SKOR2: variants seen among roughly 807,000 people sequenced by gnomAD.
The protein encoded by SKOR2 is LBX1 corepressor 1-like protein.
In SKOR2, 47 loss-of-function variants were observed where a neutral mutation model predicts 69.1. The ratio of observed to expected loss-of-function variants is 0.68; its 90% CI spans 0.54 to 0.87. The LOEUF (loss-of-function observed/expected upper bound fraction) is 0.87, where lower values mean the gene tolerates loss of function less well. Among genes scored for constraint, SKOR2 ranks in the 40% least tolerant of loss-of-function variants. The probability of loss-of-function intolerance (pLI) is 0.00; values close to 1 mark genes in which losing one functional copy is unlikely to be tolerated. For missense variants in SKOR2, 1,404 were observed against 1,472.2 expected (o/e 0.95, Z 0.76); for synonymous variants, 717 against 672.6 (o/e 1.07, Z -1.02).
chr18:47,248,600 T>A lies in SKOR2; in HGVS notation c.584A>T (p.Asp195Val), dbSNP rs539853928. The change falls in exon 2 of 9, where the codon GAC (aspartate) becomes GTC (valine). Residue 195 changes from aspartate (D) to valine (V), a missense_variant. Coordinates refer to ENST00000425639, the MANE Select transcript of SKOR2 (RefSeq NM_001278063.4). The surrounding 1 kb of genome is among the most constrained non-coding windows in gnomAD (Gnocchi z 6.4). ...KFIFHSHRTP[D>V]AKYTQPDAAN... ...TGCGTCTGGCTGAGTGTACTTGGCG[T>A]CGGGCGTGCGGTGGGAGTGGAAAAT... 9 of 1,542,166 alleles carry A rather than the reference T, an allele frequency of 5.8e-6. No homozygotes were observed. The Admixed American group carries it at 1.7e-4, about 30-fold the overall frequency.
intron 6 of SKOR2, among the ~76,000 whole-genome samples, chr18:47,224,311 T>C (rs941592219): frequency 1.3e-5 from 2 of 152,188 alleles, no homozygotes; most frequent in African/African-American, 4.8e-5. Context: ...AACCCAACTA[T>C]TTTTGGAAAA....
At chr18:47,242,915 T>C (rs1282746349) in intron 4 of SKOR2, among the ~76,000 whole-genome samples, 2 of 152,216 alleles carry the variant, frequency 1.3e-5, no homozygotes, top group Non-Finnish European at 2.9e-5. Flanking sequence ...ACATCCTGCC[T>C]CTGAATGGGT....
chr18:47,235,036 C>T (rs979043004), intron 4 of SKOR2, among the ~76,000 whole-genome samples: 3 of 151,998 alleles, frequency 2.0e-5, no homozygotes, highest in African/African-American at 7.2e-5. Flanking sequence ...GTAACTAGGG[C>T]ATAAAACGTC....
At position 47,246,706 on chromosome 18, in the gene SKOR2, G is replaced by T; in HGVS notation, c.2478C>A (p.Leu826=). ...GGGGCAGGTCCGAGCCGGGGTCCCC[G>T]AGTTTCCCGTCTTCCTGCAGCAGCC... is the stretch of plus-strand genomic sequence containing the variant. The part of the protein sequence containing the change: ...SSRLLQEDGK[L]GDPGSDLPPP... The change falls in exon 2 of 9, where the codon CTC becomes CTA. Residue 826 remains leucine, a synonymous_variant. Transcript: ENST00000425639. The T allele has an allele frequency of 1.4e-6, 2 of 1,455,332 alleles. No individual in the cohort carries two copies. The highest frequency in any genetic ancestry group is 2.7e-5 in the South Asian group (2 of 72,936). 90.2% of individuals were successfully genotyped at this position (1,455,332 alleles called of 1,614,324 possible).
intron 4 of SKOR2, among the ~76,000 whole-genome samples, chr18:47,235,125 G>A (rs1176098546): frequency 6.6e-6 from 1 of 152,080 alleles, no homozygotes; most frequent in East Asian, 1.9e-4. Context: ...AGAACTCTGG[G>A]AGGCCGAGGG....
chr18:47,226,051 G>A (rs974919755), intron 6 of SKOR2, among the ~76,000 whole-genome samples: 1 of 152,186 alleles, frequency 6.6e-6, no homozygotes, highest in African/African-American at 2.4e-5. Flanking sequence ...TGAGGATGCA[G>A]GCCACCCTGC....
intron 4 of SKOR2, among the ~76,000 whole-genome samples, chr18:47,238,399 T>C (rs1020038171): frequency 8.0e-5 from 12 of 150,280 alleles, no homozygotes; most frequent in Non-Finnish European, 1.6e-4. Flanking sequence ...TTCAGCTCAC[T>C]GTTATCTTCG....
At chr18:47,219,801 T>C in intron 7 of SKOR2, 142 bp downstream of exon 7, 2 of 664,018 alleles carry the variant, frequency 3.0e-6, no homozygotes, top group Non-Finnish European at 5.2e-6. Context: ...AGTAAATCTC[T>C]TGGTAATTAG....
At chr18:47,250,462 C>T (rs2064307538) in intron 1 of SKOR2, among the ~76,000 whole-genome samples, 1 of 152,228 alleles carries the variant, frequency 6.6e-6, no homozygotes, top group South Asian at 2.1e-4. Context: ...CTGATCTTTC[C>T]ACAGCTACAT....
intron 4 of SKOR2, among the ~76,000 whole-genome samples, chr18:47,240,345 A>C (rs2064243454): frequency 6.6e-6 from 1 of 152,220 alleles, no homozygotes; most frequent in Non-Finnish European, 1.5e-5. Context: ...AAAGTTATTC[A>C]AAATGGAAAT....
At position 47,249,114 on chromosome 18, in the gene SKOR2, C is replaced by G; in HGVS notation, c.70G>C (p.Asp24His). The change falls in exon 2 of 9, where the codon GAC becomes CAC. Residue 24 changes from aspartate to histidine, a missense_variant. Transcript: ENST00000425639. ...LASPSSAFQP[D>H]TLSQPRPGHA... ...CCTGGCCGCGGCTGGCTCAGCGTGT[C>G]GGGCTGGAAGGCGCTCGACGGCGAC... 1 of 1,536,104 alleles carries G rather than the reference C, an allele frequency of 6.5e-7. No individual in the cohort carries two copies. Among genetic ancestry groups the G allele is most frequent in the Non-Finnish European group, 8.7e-7 (1 of 1,146,856 alleles).
At chr18:47,244,516 T>G (rs2064262652) in intron 4 of SKOR2, among the ~76,000 whole-genome samples, 1 of 152,334 alleles carries the variant, frequency 6.6e-6, no homozygotes, top group Non-Finnish European at 1.5e-5. Context: ...TGTGTAGAGA[T>G]CATTATCATG....
At position 47,249,087 on chromosome 18, in the gene SKOR2, G is replaced by A. The variant is rs2064300888; in HGVS notation, c.97C>T (p.His33Tyr). ...PDTLSQPRPG[H>Y]ANLKPNQVGQ... ...ACCTGGTTGGGTTTGAGGTTGGCGT[G>A]CCCTGGCCGCGGCTGGCTCAGCGTG... is the stretch of plus-strand genomic sequence containing the variant. Residue 33 changes from histidine (H) to tyrosine (Y), a missense_variant, in exon 2 of 9, where the codon CAC becomes TAC. Physicochemically the swap from His to Tyr is moderately conservative, Grantham distance 83 (BLOSUM62 2). Transcript: ENST00000425639. 6.5e-7 allele frequency: 1 copy of A among 1,536,284 alleles called. No homozygotes were observed. The highest frequency in any genetic ancestry group is 2.0e-5 in the Admixed American group (1 of 51,000).
rs2064297746 is a variant in SKOR2, at chr18:47,248,755, G to A, written c.429C>T (p.Phe143=). 2 of 1,551,006 alleles carry A rather than the reference G, an allele frequency of 1.3e-6. No individual in the cohort carries two copies. The highest frequency in any genetic ancestry group is 1.9e-5 in the Admixed American group (1 of 52,584). The change falls in exon 2 of 9, where the codon TTC becomes TTT. Residue 143 remains phenylalanine, a synonymous_variant. Coordinates refer to ENST00000425639, the MANE Select transcript of SKOR2 (RefSeq NM_001278063.4). This position sits in a 1 kb window ranked among gnomAD's most constrained non-coding sequence, Gnocchi z 6.4. The part of the protein sequence containing the change: ...ENRPPKLPDN[F]AFDVSHECAW... ...CGCACTCGTGTGACACGTCGAAGGCGAAATTGTCTGGCAGCTTGGGCGGCC... is the reference window on the plus strand; with the variant it reads ...CGCACTCGTGTGACACGTCGAAGGCAAAATTGTCTGGCAGCTTGGGCGGCC...
intron 1 of SKOR2, among the ~76,000 whole-genome samples, chr18:47,250,822 G>T (rs572120895): frequency 6.6e-6 from 1 of 152,310 alleles, no homozygotes; most frequent in Non-Finnish European, 1.5e-5. Context: ...GGCAGTTCAA[G>T]GCGCAGTGAC....
At chr18:47,211,875 G>A (rs2064128872) in intron 8 of SKOR2, among the ~76,000 whole-genome samples, 1 of 152,112 alleles carries the variant, frequency 6.6e-6, no homozygotes, top group South Asian at 2.1e-4. Flanking sequence ...TTTAGTTATA[G>A]GAATTTTCCA....
chr18:47,249,034 G>A lies in SKOR2; in HGVS notation c.150C>T (p.Pro50=). 1 of 1,540,300 alleles carries A rather than the reference G, an allele frequency of 6.5e-7. No individual in the cohort carries two copies. Among genetic ancestry groups the A allele is most frequent in the African/African-American group, 1.4e-5 (1 of 73,390 alleles). ...GCCCGTCGATCACCAACGACACGAT[G>A]GGAATGCCGTAGAGGATCACCTGGC... The part of the protein sequence containing the change: ...QVGQVILYGI[P]IVSLVIDGQE... Residue 50 remains proline (P), a synonymous_variant, in exon 2 of 9, where the codon CCC becomes CCT. Transcript: ENST00000425639.
At chr18:47,249,251 C>A (rs1033516030) in intron 1 of SKOR2, 21 bp from the exon 2 acceptor site, 7 of 1,471,288 alleles carry the variant, frequency 4.8e-6, no homozygotes, top group African/African-American at 1.4e-5. Flanking sequence ...AAGGAGAAAG[C>A]GTTGACTTGA....
intron 1 of SKOR2, among the ~76,000 whole-genome samples, chr18:47,250,169 T>C (rs1453103860): frequency 6.6e-6 from 1 of 152,202 alleles, no homozygotes; most frequent in Non-Finnish European, 1.5e-5. Flanking sequence ...CTGTGACTCT[T>C]TTCCCCTAAT....
Sources: gnomAD v4.1 joint callset for allele counts (sites outside exome capture counted in the v4.1 genomes callset) on GRCh38, gnomAD v4.1.1 for gene constraint, Gnocchi (gnomAD v3.1) non-coding constraint, MANE v1.5 for transcripts, NCBI Gene and HGNC (gene_info 2026-07-23, HGNC 2026-07-21) for gene names.